The following SCARA5 variants were observed in gnomAD, a reference collection of about 807,000 sequenced individuals.
The protein encoded by SCARA5 is scavenger receptor class A, member 5 (putative).
In SCARA5, 45 loss-of-function variants were observed where a neutral mutation model predicts 46.3. That is an observed-to-expected ratio of 0.97 (90% CI 0.76 to 1.24). The LOEUF (loss-of-function observed/expected upper bound fraction) is 1.24. Among genes scored for constraint, SCARA5 ranks in the 50% most tolerant of loss-of-function variants. The pLI, the probability that SCARA5 is intolerant of heterozygous loss-of-function variation, is 0.00. For missense variants in SCARA5, 680 were observed against 689.0 expected, an observed-to-expected ratio of 0.99 and a Z score of 0.15; for synonymous variants, 333 against 306.5, an observed-to-expected ratio of 1.09 and a Z score of -0.90.
intron 3 of SCARA5, among the ~76,000 whole-genome samples, chr8:27,944,577 T>G (rs922259613): frequency 1.1e-4 from 16 of 151,892 alleles, no homozygotes; most frequent in African/African-American, 3.9e-4. Context: ...AATAAAAAAT[T>G]AAGACCAGGC....
At chr8:27,918,159 G>A (rs1265029240) in intron 4 of SCARA5, among the ~76,000 whole-genome samples, 3 of 152,110 alleles carry the variant, frequency 2.0e-5, no homozygotes, top group Non-Finnish European at 4.4e-5. Context: ...TGAAAAGGGG[G>A]TATTTCATGG....
At chr8:27,877,501 G>A (rs1358506801) in intron 8 of SCARA5, among the ~76,000 whole-genome samples, 1 of 152,164 alleles carries the variant, frequency 6.6e-6, no homozygotes, top group Non-Finnish European at 1.5e-5. Context: ...GCAGAGTCAG[G>A]CTAACATGAC....
chr8:27,945,867 T>A (rs546757430), intron 3 of SCARA5, among the ~76,000 whole-genome samples: 2 of 152,286 alleles, frequency 1.3e-5, no homozygotes, highest in South Asian at 4.1e-4. Context: ...ATGCAAATTT[T>A]AAAAAAGGAA....
intron 4 of SCARA5, among the ~76,000 whole-genome samples, chr8:27,916,800 C>T (rs1585486332): frequency 1.3e-5 from 2 of 152,180 alleles, no homozygotes; most frequent in East Asian, 3.8e-4. Flanking sequence ...CACTGTCGAA[C>T]TGTGAAGAGC....
At chr8:27,904,317 C>T (rs549447547) in intron 7 of SCARA5, 4 of 188,222 alleles carry the variant, frequency 2.1e-5, no homozygotes, top group East Asian at 1.3e-4. Context: ...TTTTAGGAAG[C>T]GTGTCTGAGT....
At chr8:27,937,999 A>G (rs1807884324) in intron 3 of SCARA5, among the ~76,000 whole-genome samples, 1 of 152,194 alleles carries the variant, frequency 6.6e-6, no homozygotes, top group Non-Finnish European at 1.5e-5. Flanking sequence ...GACACAATTC[A>G]GTCCATAACT....
In SCARA5 at chr8:27,921,932, G is replaced by T. The variant is rs1307223080; in HGVS notation, c.555C>A (p.Leu185=). The change falls in exon 4 of 9, where the codon CTC becomes CTA. Residue 185 remains leucine (L), a synonymous_variant. Coordinates refer to ENST00000354914, the MANE Select transcript of SCARA5 (RefSeq NM_173833.6). The part of the protein sequence containing the change: ...GQQSDTAQLE[L]YQLQVESNSS... Reference sequence around the variant, plus strand: ...TGTTGCTCTCCACCTGCAGCTGGTAGAGCTCCAGCTGCGCCGTGTCGCTCT... The same window carrying T: ...TGTTGCTCTCCACCTGCAGCTGGTATAGCTCCAGCTGCGCCGTGTCGCTCT... 1.3e-6 allele frequency: 2 copies of T among 1,536,608 alleles called. No individual in the cohort carries two copies. Among genetic ancestry groups the T allele is most frequent in the African/African-American group, 1.4e-5 (1 of 71,252 alleles).
chr8:27,960,566 C>A (rs766302462), intron 3 of SCARA5, among the ~76,000 whole-genome samples: 1 of 152,248 alleles, frequency 6.6e-6, no homozygotes, highest in Middle Eastern at 3.4e-3. Flanking sequence ...GGGGTAGGCA[C>A]CACGATCAAC....
At chr8:27,989,136 T>C (rs1438634097) in intron 1 of SCARA5, among the ~76,000 whole-genome samples, 5 of 131,300 alleles carry the variant, frequency 3.8e-5, no homozygotes, top group African/African-American at 3.0e-5. Flanking sequence ...TTTCTTTTTT[T>C]TTTTTTTTTT....
chr8:27,909,808 T>A, intron 4 of SCARA5, 65 bp from the exon 5 acceptor site: 1 of 1,164,178 alleles, frequency 8.6e-7, no homozygotes. Context: ...AGGTCATCTG[T>A]AGAGGAAACA....
Position 27,871,790 on chromosome 8 carries a change from G to T in SCARA5, c.*144C>A. On this transcript the variant is annotated 3_prime_UTR_variant, in exon 9 of 9. Coordinates refer to ENST00000354914, the MANE Select transcript of SCARA5 (RefSeq NM_173833.6). Reference sequence around the variant, plus strand: ...GAGGGAAATGACGACCGGCCCCCACGGTCCTGGGATGCAGGTGTGAGGACT... The same window carrying T: ...GAGGGAAATGACGACCGGCCCCCACTGTCCTGGGATGCAGGTGTGAGGACT... 1.3e-6 allele frequency: 2 copies of T among 1,496,126 alleles called. No individual in the cohort carries two copies. Among genetic ancestry groups the T allele is most frequent in the Non-Finnish European group, 1.8e-6 (2 of 1,125,062 alleles). The allele number at this position is 1,496,126 out of a possible 1,614,324, so 92.7% of individuals were successfully genotyped here.
intron 6 of SCARA5, 125 bp downstream of exon 6, chr8:27,907,023 C>T (rs1178797004): frequency 3.3e-6 from 2 of 597,930 alleles, no homozygotes; most frequent in Non-Finnish European, 5.8e-6. Context: ...GATGAAGAGA[C>T]TTGTACAAGG....
rs953296527 is a variant in SCARA5, at chr8:27,872,080, C to T, written c.1352-10G>A. 6.2e-7 allele frequency: 1 copy of T among 1,614,108 alleles called. No individual in the cohort carries two copies. The highest frequency in any genetic ancestry group is 1.6e-4 in the Middle Eastern group (1 of 6,062). ...CAGATCCTCCCAGTGCCTGTGGAGACAGGGAAACACAGCTATAAGCGGATA... is the reference window on the plus strand; with the variant it reads ...CAGATCCTCCCAGTGCCTGTGGAGATAGGGAAACACAGCTATAAGCGGATA... On this transcript the variant is annotated splice_polypyrimidine_tract_variant and intron_variant, in intron 8 of 8. Transcript: ENST00000354914.
At chr8:27,900,840 C>T (rs73237389) in intron 7 of SCARA5, among the ~76,000 whole-genome samples, 31,599 of 144,290 alleles carry the variant, frequency 0.22, 3,619 homozygotes, top group Middle Eastern at 0.31. Flanking sequence ...AAACATGTCA[C>T]GGAATGACTG....
intron 3 of SCARA5, among the ~76,000 whole-genome samples, chr8:27,924,867 T>C (rs1055509755): frequency 1.5e-4 from 23 of 152,172 alleles, no homozygotes; most frequent in African/African-American, 5.3e-4. Context: ...AGCCAAATCA[T>C]GAGTATACTC....
intron 3 of SCARA5, among the ~76,000 whole-genome samples, chr8:27,935,597 G>A (rs1163503589): frequency 6.6e-6 from 1 of 152,170 alleles, no homozygotes; most frequent in Non-Finnish European, 1.5e-5. Flanking sequence ...GGGGCCAGAG[G>A]CACAAAGGAA....
intron 8 of SCARA5, among the ~76,000 whole-genome samples, chr8:27,876,361 GGGGA>G (rs1312745599): frequency 2.6e-5 from 4 of 152,156 alleles, no homozygotes; most frequent in Non-Finnish European, 4.4e-5. Context: ...AATCTCCTAA[GGGGA>G]GGACAGCAAG....
chr8:27,972,541 G>A (rs1808463886), intron 2 of SCARA5, among the ~76,000 whole-genome samples: 1 of 152,090 alleles, frequency 6.6e-6, no homozygotes, highest in Non-Finnish European at 1.5e-5. Flanking sequence ...CATTTATAGA[G>A]AAGAAAAACC....
At chr8:27,906,890 G>A (rs2685362) in intron 6 of SCARA5, among the ~76,000 whole-genome samples, 83,463 of 151,944 alleles carry the variant, frequency 0.55, 23,735 homozygotes, top group Non-Finnish European at 0.63. Context: ...TGTAGAGATG[G>A]GGCTCTTGGG....
Sources: gnomAD v4.1 joint callset for allele counts (sites outside exome capture counted in the v4.1 genomes callset) on GRCh38, gnomAD v4.1.1 for gene constraint, MANE v1.5 for transcripts, NCBI Gene and HGNC (gene_info 2026-07-23, HGNC 2026-07-21) for gene names.